INO80C: variants seen among roughly 807,000 people sequenced by gnomAD.
INO80C encodes IES6 homolog.
In INO80C, 17 loss-of-function variants were observed where a neutral mutation model predicts 17.7. The observed-to-expected ratio is 0.96, with a 90% CI of 0.66 to 1.44. The LOEUF (loss-of-function observed/expected upper bound fraction) is 1.44, where lower values mean the gene tolerates loss of function less well. INO80C is among the 40% of genes most tolerant of loss of function. INO80C has a pLI of 0.00. For missense variants in INO80C, 244 were observed against 245.0 expected, an observed-to-expected ratio of 1.00 and a Z score of 0.03; for synonymous variants, 96 against 95.8, an observed-to-expected ratio of 1.00 and a Z score of -0.01.
chr18:35,488,787 C>G (rs1246559427), intron 1 of INO80C, among the ~76,000 whole-genome samples: 1 of 152,192 alleles, frequency 6.6e-6, no homozygotes, highest in Non-Finnish European at 1.5e-5. Context: ...TGCAAATTTT[C>G]TGGACTTTTA....
At chr18:35,478,817 A>G (rs555527406) in intron 3 of INO80C, among the ~76,000 whole-genome samples, 4 of 152,336 alleles carry the variant, frequency 2.6e-5, no homozygotes, top group African/African-American at 9.6e-5. Context: ...AGAACTTTGA[A>G]CTTGTACTTT....
At position 35,497,842 on chromosome 18, in the gene INO80C, A is replaced by G; in HGVS notation, c.33T>C (p.Thr11=). MAAQIPIVAT[T]STPGIVRNSK... is the part of the protein sequence containing the mutation. Reference sequence around the variant, plus strand: ...TGTTCCGGACTATTCCGGGAGTGGAAGTGGTGGCCACAATTGGAATTTGCG... The same window carrying G: ...TGTTCCGGACTATTCCGGGAGTGGAGGTGGTGGCCACAATTGGAATTTGCG... Residue 11 remains threonine (T), a synonymous_variant, in exon 1 of 5, where the codon ACT becomes ACC. Coordinates refer to ENST00000334598, the MANE Select transcript of INO80C (RefSeq NM_194281.4). The G allele has an allele frequency of 6.3e-7, 1 of 1,595,800 alleles. No homozygotes were observed. The highest frequency in any genetic ancestry group is 8.5e-7 in the Non-Finnish European group (1 of 1,169,696).
Position 35,478,315 on chromosome 18 carries a change from T to C in INO80C, c.414A>G (p.Pro138=). ...FSIDAPPSFK[P]AKKYSDVSGL... is the part of the protein sequence containing the mutation. ...CTGAAACATCAGAATACTTCTTAGC[T>C]GGCTTAAAGGATGGAGGAGCATCAA... The change falls in exon 4 of 5, where the codon CCA becomes CCG. Residue 138 remains proline, a synonymous_variant. Coordinates refer to ENST00000334598, the MANE Select transcript of INO80C (RefSeq NM_194281.4). 1 of 1,605,166 alleles carries C rather than the reference T, an allele frequency of 6.2e-7. No individual in the cohort carries two copies. The highest frequency in any genetic ancestry group is 8.5e-7 in the Non-Finnish European group (1 of 1,175,968).
intron 1 of INO80C, among the ~76,000 whole-genome samples, chr18:35,482,131 G>C (rs2045816450): frequency 6.6e-6 from 1 of 152,154 alleles, no homozygotes; most frequent in South Asian, 2.1e-4. Flanking sequence ...GGGTTATAGG[G>C]TAAGTGTATG....
chr18:35,477,677 C>G (rs2045753047), intron 4 of INO80C, among the ~76,000 whole-genome samples: 1 of 152,212 alleles, frequency 6.6e-6, no homozygotes, highest in South Asian at 2.1e-4. Flanking sequence ...TGAGCTTTAG[C>G]AACTTGCCCA....
rs1194397441 is a variant in INO80C at position 35,468,443 on chromosome 18, C to T, written c.*168G>A. On this transcript the variant is annotated 3_prime_UTR_variant, in exon 5 of 5. Transcript: ENST00000334598. ...AAATATCACACTTGGAGGGAAAACACACACTAAAAAAAAAAAAAACCCTTA... is the reference window on the plus strand; with the variant it reads ...AAATATCACACTTGGAGGGAAAACATACACTAAAAAAAAAAAAAACCCTTA... 39 of 1,388,582 alleles carry T rather than the reference C, an allele frequency of 2.8e-5. No homozygotes were observed. In the South Asian group the frequency reaches 5.6e-4, roughly 20 times the overall value. The allele number at this position is 1,388,582 out of a possible 1,614,324, so 86.0% of individuals were successfully genotyped here. A position where few individuals can be genotyped will look rare whatever the true frequency, so the allele number is the denominator to read the frequency against.
In INO80C at chr18:35,485,065, C is replaced by T. The variant is rs368455251; in HGVS notation, c.157-4502G>A. ...CTGGAGTCTCTCCCTCTTCTTATAACGGCACCAGTCATCCAGGATTAGGGC... is the reference window on the plus strand; with the variant it reads ...CTGGAGTCTCTCCCTCTTCTTATAATGGCACCAGTCATCCAGGATTAGGGC... On this transcript the variant is annotated intron_variant, in intron 1 of 4. Coordinates refer to ENST00000334598, the MANE Select transcript of INO80C (RefSeq NM_194281.4). Among the ~76,000 whole-genome samples the T allele has an allele frequency of 1.1e-3, 160 of 152,206 alleles. 1 individual carries two copies. Among genetic ancestry groups the T allele is most frequent in the African/African-American group, 3.6e-3 (149 of 41,518 alleles).
At chr18:35,486,982 C>A (rs2045883447) in intron 1 of INO80C, among the ~76,000 whole-genome samples, 1 of 151,994 alleles carries the variant, frequency 6.6e-6, no homozygotes, top group Admixed American at 6.6e-5. Flanking sequence ...TATTAAAAGT[C>A]ACTGGCAAAG....
At chr18:35,495,545 G>T (rs2045972400) in intron 1 of INO80C, among the ~76,000 whole-genome samples, 1 of 152,210 alleles carries the variant, frequency 6.6e-6, no homozygotes, top group South Asian at 2.1e-4. Flanking sequence ...GGAATAGAGA[G>T]TTAAGATTTC....
chr18:35,477,734 C>T (rs1598739792), intron 4 of INO80C, among the ~76,000 whole-genome samples: 1 of 152,216 alleles, frequency 6.6e-6, no homozygotes, highest in East Asian at 1.9e-4. Flanking sequence ...TTGTGTTCCC[C>T]AGAAGCACTT....
chr18:35,487,128 T>G (rs1054763445), intron 1 of INO80C, among the ~76,000 whole-genome samples: 36 of 152,340 alleles, frequency 2.4e-4, no homozygotes, highest in Admixed American at 2.0e-3. Context: ...TCTAACATCA[T>G]TAGTAATTTG....
intron 2 of INO80C, 111 bp from the exon 3 acceptor site, chr18:35,479,522 A>G: frequency 1.5e-6 from 1 of 666,850 alleles, no homozygotes; most frequent in Non-Finnish European, 2.7e-6. Context: ...TCTGTCAACA[A>G]TCATTAAGAC....
At chr18:35,487,206 T>G (rs1411799251) in intron 1 of INO80C, among the ~76,000 whole-genome samples, 1 of 152,214 alleles carries the variant, frequency 6.6e-6, no homozygotes, top group East Asian at 1.9e-4. Flanking sequence ...CAAAAATATA[T>G]AACTCAAATC....
intron 1 of INO80C, among the ~76,000 whole-genome samples, chr18:35,492,826 A>C (rs1212851572): frequency 1.3e-5 from 2 of 152,234 alleles, no homozygotes; most frequent in African/African-American, 4.8e-5. Flanking sequence ...AGTAACTCTC[A>C]GTCTATAGGT....
intron 4 of INO80C, among the ~76,000 whole-genome samples, chr18:35,470,439 AT>A (rs1269636607): frequency 6.6e-6 from 1 of 152,198 alleles, no homozygotes; most frequent in African/African-American, 2.4e-5. Context: ...GAAAGGCTTA[AT>A]TAGAAAAACA....
At chr18:35,489,669 T>C (rs1035067160) in intron 1 of INO80C, among the ~76,000 whole-genome samples, 2 of 152,150 alleles carry the variant, frequency 1.3e-5, no homozygotes, top group Non-Finnish European at 1.5e-5. Context: ...TAAAAAGATA[T>C]GACAACTAAA....
intron 1 of INO80C, 124 bp downstream of exon 1, chr18:35,497,595 C>G: frequency 6.9e-7 from 1 of 1,438,866 alleles, no homozygotes; most frequent in Non-Finnish European, 9.1e-7. Context: ...GGGGCAGCGT[C>G]TTTCAACCCC....
At chr18:35,496,596 T>C (rs1482822580) in intron 1 of INO80C, among the ~76,000 whole-genome samples, 1 of 152,228 alleles carries the variant, frequency 6.6e-6, no homozygotes, top group African/African-American at 2.4e-5. Context: ...GCTCACTCTG[T>C]TGCCCAAGCT....
intron 1 of INO80C, among the ~76,000 whole-genome samples, chr18:35,482,154 A>C (rs1246206389): frequency 1.3e-5 from 2 of 152,210 alleles, no homozygotes; most frequent in Non-Finnish European, 2.9e-5. Flanking sequence ...TAACTTTACA[A>C]GTCACTGCCA....
Sources: allele counts gnomAD v4.1 joint callset (sites outside exome capture counted in the v4.1 genomes callset), GRCh38; gene constraint gnomAD v4.1.1; transcripts MANE v1.5; gene names NCBI Gene and HGNC (gene_info 2026-07-23, HGNC 2026-07-21).